The following TLK1 variants were observed in gnomAD, a reference collection of about 807,000 sequenced individuals.
TLK1 encodes tousled like kinase 1, also known as serine/threonine-protein kinase tousled-like 1.
A neutral mutation model predicts 105.3 loss-of-function variants in TLK1; 24 were observed. That is an observed-to-expected ratio of 0.23 (90% CI 0.17 to 0.32). The LOEUF (loss-of-function observed/expected upper bound fraction) is 0.32. Ranked by LOEUF, TLK1 falls within the 10% of genes least tolerant of loss-of-function variation. The probability of loss-of-function intolerance (pLI) is 1.00; values close to 1 mark genes in which losing one functional copy is unlikely to be tolerated. For missense variants in TLK1, 558 were observed against 910.5 expected (o/e 0.61, Z 4.98); for synonymous variants, 321 against 310.4 (o/e 1.03, Z -0.36).
Position 171,188,462 on chromosome 2 carries a change from T to C in TLK1, c.-6+42683A>G, listed in dbSNP as rs1439310787. 2.6e-5 allele frequency among the ~76,000 whole-genome samples: 4 copies of C among 151,966 alleles called. No homozygotes were observed. The East Asian group carries it at 5.8e-4, about 22-fold the overall frequency. On this transcript the variant is annotated intron_variant, in intron 1 of 20. Coordinates refer to the TLK1 transcript ENST00000521943. ...GGTTCACGCCTGTAATCCCAGCACT[T>C]TGGGAGGCCAAGGCAGGTGGATCAC...
At chr2:171,034,760 T>C (rs1317971728) in intron 11 of TLK1, among the ~76,000 whole-genome samples, 1 of 152,102 alleles carries the variant, frequency 6.6e-6, no homozygotes, top group Non-Finnish European at 1.5e-5. Context: ...AATTAAAAAA[T>C]GTTATCACTA....
At chr2:171,067,159 GGT>G (rs1491443745) in intron 3 of TLK1, among the ~76,000 whole-genome samples, 1 of 108,620 alleles carries the variant, frequency 9.2e-6, no homozygotes, top group Admixed American at 1.1e-4. Flanking sequence ...TGTGCACTTA[GGT>G]TTTTTTTTTT....
At chr2:171,127,442 T>C (rs970621794) in intron 1 of TLK1, among the ~76,000 whole-genome samples, 2 of 152,188 alleles carry the variant, frequency 1.3e-5, no homozygotes, top group African/African-American at 4.8e-5. Flanking sequence ...ATAACTTTTG[T>C]TGGCTATACT....
At position 171,160,131 on chromosome 2, in the gene TLK1, G is replaced by C. The variant is rs573830515; in HGVS notation, c.139+159C>G. ...CCACAGCCAGGGCACTACCTCCCCA[G>C]AGCCGGGGAGCCGGGCGGCCTCGCG... is the stretch of plus-strand genomic sequence containing the variant. On this transcript the variant is annotated intron_variant, in intron 1 of 20. Transcript: ENST00000431350. The surrounding 1 kb of genome is among the most constrained non-coding windows in gnomAD (Gnocchi z 4.4). 6.6e-6 allele frequency among the ~76,000 whole-genome samples: 1 copy of C among 151,632 alleles called. No homozygotes were observed. Among genetic ancestry groups the C allele is most frequent in the African/African-American group, 2.4e-5 (1 of 41,320 alleles).
At position 171,090,361 on chromosome 2, in the gene TLK1, AGTTTT is replaced by A. The variant is rs1689174545; in HGVS notation, c.259-7514_259-7510del. On this transcript the variant is annotated intron_variant, in intron 2 of 20. Transcript: ENST00000431350. ...AATGACCTTAACTAATTTACTTATTAGTTTTAATTATTTTTAGATTCCTTGTGATT... is the reference window on the plus strand; with the variant it reads ...AATGACCTTAACTAATTTACTTATTAAATTATTTTTAGATTCCTTGTGATT... Among the ~76,000 whole-genome samples the A allele has an allele frequency of 6.7e-5, 4 of 59,970 alleles. 1 individual carries two copies. The South Asian group carries it at 1.2e-3, about 18-fold the overall frequency. The allele number at this position is 59,970 out of a possible 152,430, so 39.3% of individuals were successfully genotyped here. A position where few individuals can be genotyped will look rare whatever the true frequency, so the allele number is the denominator to read the frequency against.
chr2:171,048,382 C>T (rs1687061908), intron 10 of TLK1, among the ~76,000 whole-genome samples: 1 of 152,184 alleles, frequency 6.6e-6, no homozygotes, highest in Non-Finnish European at 1.5e-5. Context: ...AGTAGCAGAG[C>T]CTCTTGCTCA....
chr2:171,084,322 C>T (rs563001165), intron 2 of TLK1, among the ~76,000 whole-genome samples: 9 of 152,276 alleles, frequency 5.9e-5, no homozygotes, highest in African/African-American at 2.2e-4. Flanking sequence ...GCAGTCTAGC[C>T]TCCACGAATC....
intron 11 of TLK1, among the ~76,000 whole-genome samples, chr2:171,031,051 T>G (rs1333870246): frequency 3.3e-5 from 5 of 151,406 alleles, no homozygotes; most frequent in African/African-American, 1.2e-4. Flanking sequence ...AAGTTATAAA[T>G]ACTCTCCCCA....
At chr2:171,090,917 G>C (rs1299798199) in intron 2 of TLK1, among the ~76,000 whole-genome samples, 1 of 152,118 alleles carries the variant, frequency 6.6e-6, no homozygotes, top group African/African-American at 2.4e-5. Flanking sequence ...AGTCGCACTA[G>C]CCATATTTTA....
At chr2:171,060,634 C>A (rs1482741936) in intron 4 of TLK1, among the ~76,000 whole-genome samples, 6 of 152,038 alleles carry the variant, frequency 3.9e-5, no homozygotes, top group Non-Finnish European at 8.8e-5. Flanking sequence ...AAATAATTTT[C>A]TTAGTTCATA....
intron 1 of TLK1, among the ~76,000 whole-genome samples, chr2:171,138,198 A>G (rs1002213688): frequency 2.6e-5 from 4 of 152,220 alleles, no homozygotes; most frequent in Admixed American, 2.6e-4. Context: ...AAGAAGTTTT[A>G]GACAGTGTTC....
chr2:171,149,576 G>A (rs1691947015), intron 1 of TLK1, among the ~76,000 whole-genome samples: 1 of 152,106 alleles, frequency 6.6e-6, no homozygotes, highest in Non-Finnish European at 1.5e-5. Context: ...CTTGCAAAGG[G>A]GTGCCATTTA....
chr2:171,003,686 T>C (rs1362714972), intron 18 of TLK1, among the ~76,000 whole-genome samples: 2 of 152,238 alleles, frequency 1.3e-5, no homozygotes, highest in African/African-American at 4.8e-5. Context: ...CTCCTTACAA[T>C]AGCAACAAGG....
chr2:171,009,498 G>A (rs1022722239), intron 14 of TLK1, among the ~76,000 whole-genome samples: 5 of 151,696 alleles, frequency 3.3e-5, no homozygotes, highest in African/African-American at 9.7e-5. Flanking sequence ...TAGTAGAAAC[G>A]GGTTCGCCAT....
intron 2 of TLK1, among the ~76,000 whole-genome samples, chr2:171,089,151 T>A (rs1318255069): frequency 6.6e-6 from 1 of 152,224 alleles, no homozygotes; most frequent in East Asian, 1.9e-4. Context: ...AGACACCACA[T>A]TTGGCCTGGC....
At chr2:171,139,917 A>G (rs1484356072) in intron 1 of TLK1, among the ~76,000 whole-genome samples, 3 of 152,180 alleles carry the variant, frequency 2.0e-5, no homozygotes, top group African/African-American at 7.2e-5. Flanking sequence ...CAAGCGACCT[A>G]GATCCCTCGC....
At chr2:171,185,544 A>G (rs1446937984) in intron 1 of TLK1, among the ~76,000 whole-genome samples, 1 of 152,132 alleles carries the variant, frequency 6.6e-6, no homozygotes. Flanking sequence ...AATCCTTTGT[A>G]TCTTTGGATA....
intron 11 of TLK1, among the ~76,000 whole-genome samples, chr2:171,038,039 C>T (rs990811116): frequency 6.6e-6 from 1 of 152,142 alleles, no homozygotes; most frequent in Non-Finnish European, 1.5e-5. Flanking sequence ...TTAATAGTTA[C>T]AGAACTATGT....
intron 3 of TLK1, 47 bp from the exon 4 acceptor site, chr2:171,061,203 C>G: frequency 6.3e-7 from 1 of 1,581,262 alleles, no homozygotes; most frequent in Non-Finnish European, 8.7e-7. Context: ...TTTTAATATA[C>G]AAAATTATCA....
Sources: gnomAD v4.1 joint callset for allele counts (sites outside exome capture counted in the v4.1 genomes callset) on GRCh38, gnomAD v4.1.1 for gene constraint, Gnocchi (gnomAD v3.1) non-coding constraint, MANE v1.5 for transcripts, NCBI Gene and HGNC (gene_info 2026-07-23, HGNC 2026-07-21) for gene names.